Variants in HEMK2 observed in about 807,000 individuals in gnomAD.
The protein encoded by HEMK2 is HemK methyltransferase 2, ETF1 glutamine and histone H4 lysine, also known as methyltransferase HEMK2.
the HEMK2 span, among the ~76,000 whole-genome samples, chr21:28,777,082 GTTCA>G: frequency 1.3e-5 from 2 of 152,142 alleles, no homozygotes; most frequent in African/African-American, 2.4e-5. Flanking sequence ...ACTAAAATGT[GTTCA>G]TTCAGTTTTC....
chr21:28,807,171 T>C, the HEMK2 span, among the ~76,000 whole-genome samples: 1 of 152,350 alleles, frequency 6.6e-6, no homozygotes, highest in African/African-American at 2.4e-5. Flanking sequence ...GGGTAGCTTC[T>C]CTTGCCTAAT....
the HEMK2 span, among the ~76,000 whole-genome samples, chr21:28,762,072 C>A: frequency 6.6e-6 from 1 of 152,126 alleles, no homozygotes; most frequent in Non-Finnish European, 1.5e-5. Context: ...TGGGGTAAAT[C>A]TGAATATCTT....
the HEMK2 span, among the ~76,000 whole-genome samples, chr21:28,794,274 C>T: frequency 1.9e-3 from 296 of 152,248 alleles, 4 homozygotes; most frequent in African/African-American, 6.9e-3. Context: ...CTTTTCATTT[C>T]AGAAGTTTTT....
At chr21:28,728,719 C>A in the HEMK2 span, among the ~76,000 whole-genome samples, 1 of 152,164 alleles carries the variant, frequency 6.6e-6, no homozygotes, top group African/African-American at 2.4e-5. Flanking sequence ...CAGGGTAAAA[C>A]CACAAGTAGG....
At chr21:28,885,358 C>A in the HEMK2 span, 2 of 1,537,506 alleles carry the variant, frequency 1.3e-6, no homozygotes, top group Non-Finnish European at 1.8e-6. Context: ...TCCTTCGCTG[C>A]GTTCCATGCG....
the HEMK2 span, among the ~76,000 whole-genome samples, chr21:28,751,550 G>A: frequency 1.1e-4 from 17 of 152,246 alleles, no homozygotes; most frequent in South Asian, 2.1e-4. Context: ...TTTTGAAATC[G>A]TGTGTCTAAA....
chr21:28,632,650 A>G, the HEMK2 span, among the ~76,000 whole-genome samples: 5 of 152,230 alleles, frequency 3.3e-5, no homozygotes, highest in Non-Finnish European at 7.3e-5. Flanking sequence ...ACGGTAAAAT[A>G]GAAATCAAAC....
At chr21:28,665,755 T>C in the HEMK2 span, among the ~76,000 whole-genome samples, 1 of 151,732 alleles carries the variant, frequency 6.6e-6, no homozygotes, top group Non-Finnish European at 1.5e-5. Context: ...CAAAGGACTA[T>C]AAATCATGTT....
chr21:28,863,719 C>CT, the HEMK2 span, among the ~76,000 whole-genome samples: 1 of 151,992 alleles, frequency 6.6e-6, no homozygotes, highest in African/African-American at 2.4e-5. Flanking sequence ...GAGAGACTGT[C>CT]TGTCATTTCT....
chr21:28,709,849 A>C, the HEMK2 span, among the ~76,000 whole-genome samples: 64 of 152,318 alleles, frequency 4.2e-4, 1 homozygote, highest in East Asian at 0.012. Context: ...ATATGCATGG[A>C]GGATGGGAGA....
At chr21:28,883,513 T>A in the HEMK2 span, among the ~76,000 whole-genome samples, 1 of 152,202 alleles carries the variant, frequency 6.6e-6, no homozygotes, top group Non-Finnish European at 1.5e-5. Flanking sequence ...CTAACATTCA[T>A]AGAGCCATCA....
the HEMK2 span, among the ~76,000 whole-genome samples, chr21:28,718,307 T>A: frequency 6.6e-6 from 1 of 152,198 alleles, no homozygotes; most frequent in African/African-American, 2.4e-5. Flanking sequence ...GTTTTTTAAA[T>A]TATTATTTTA....
At chr21:28,739,530 T>A in the HEMK2 span, among the ~76,000 whole-genome samples, 1 of 152,294 alleles carries the variant, frequency 6.6e-6, no homozygotes, top group Non-Finnish European at 1.5e-5. Context: ...TCCCTAAACT[T>A]CATCAGTTGG....
chr21:28,884,695 G>GCCACATGT, the HEMK2 span, among the ~76,000 whole-genome samples: 1 of 152,156 alleles, frequency 6.6e-6, no homozygotes, highest in South Asian at 2.1e-4. Flanking sequence ...AGCCACATGT[G>GCCACATGT]AGGACTGGCT....
At chr21:28,654,802 T>C in the HEMK2 span, among the ~76,000 whole-genome samples, 1,744 of 152,214 alleles carry the variant, frequency 0.011, 17 homozygotes, top group Middle Eastern at 0.027. Context: ...TTTTCTGCAA[T>C]AGGGTTATTG....
At chr21:28,865,808 TTA>T in the HEMK2 span, among the ~76,000 whole-genome samples, 127,186 of 151,746 alleles carry the variant, frequency 0.84, 53,765 homozygotes, top group South Asian at 0.93. Context: ...CTAGGATGTA[TTA>T]TATACTTCAC....
chr21:28,881,779 G>A, the HEMK2 span, among the ~76,000 whole-genome samples: 32 of 152,002 alleles, frequency 2.1e-4, no homozygotes, highest in African/African-American at 6.0e-4. Flanking sequence ...CGACAGGTGC[G>A]CACAACCATG....
At chr21:28,832,605 T>C in the HEMK2 span, among the ~76,000 whole-genome samples, 10 of 152,240 alleles carry the variant, frequency 6.6e-5, no homozygotes, top group Admixed American at 3.9e-4. Flanking sequence ...CCTCCTGTAT[T>C]CAGAGTTAAA....
chr21:28,763,635 A>G, the HEMK2 span, among the ~76,000 whole-genome samples: 1 of 152,128 alleles, frequency 6.6e-6, no homozygotes, highest in Non-Finnish European at 1.5e-5. Context: ...AAGAATGAGG[A>G]TAACCCAGTA....
Sources: gnomAD v4.1 joint callset for allele counts (sites outside exome capture counted in the v4.1 genomes callset) on GRCh38, gnomAD v4.1.1 for gene constraint, MANE v1.5 for transcripts, NCBI Gene and HGNC (gene_info 2026-07-23, HGNC 2026-07-21) for gene names.